Variants in CCDC187 observed in about 807,000 individuals in gnomAD.
CCDC187 encodes coiled-coil domain containing 187.
Under a neutral mutation model 38.0 loss-of-function variants are expected in CCDC187, and 32 were observed. The ratio of observed to expected loss-of-function variants is 0.84; its 90% confidence interval spans 0.64 to 1.13. CCDC187 has a LOEUF of 1.13. Ranked by LOEUF, CCDC187 falls within the 50% of genes most tolerant of loss-of-function variation. The probability of loss-of-function intolerance (pLI) is 0.00; values close to 1 mark genes in which losing one functional copy is unlikely to be tolerated. For missense variants in CCDC187, 707 were observed against 786.8 expected, an observed-to-expected ratio of 0.90 and a Z score of 1.21; for synonymous variants, 333 against 347.9, an observed-to-expected ratio of 0.96 and a Z score of 0.48.
chr9:136,294,127 C>T (rs1372282873), intron 4 of CCDC187, among the ~76,000 whole-genome samples: 3 of 141,622 alleles, frequency 2.1e-5, no homozygotes, highest in East Asian at 4.3e-4. Flanking sequence ...CTCTCACACT[C>T]ATACACACGC....
At chr9:136,280,455 T>C (rs36131664) in intron 10 of CCDC187, among the ~76,000 whole-genome samples, 19,998 of 152,056 alleles carry the variant, frequency 0.13, 1,511 homozygotes, top group Admixed American at 0.2. Context: ...TCAGAGGGCT[T>C]CAGGTGTGAG....
In CCDC187 at chr9:136,286,301, G is replaced by A. The variant is rs887870448; in HGVS notation, c.2617C>T (p.Pro873Ser). The A allele has an allele frequency of 7.5e-6, 3 of 398,494 alleles. No individual in the cohort carries two copies. The highest frequency in any genetic ancestry group is 6.2e-5 in the African/African-American group (3 of 48,632). The allele number at this position is 398,494 out of a possible 1,614,324, so 24.7% of individuals were successfully genotyped here. A position where few individuals can be genotyped will look rare whatever the true frequency, so the allele number is the denominator to read the frequency against. Residue 873 changes from proline to serine, a missense_variant, in exon 8 of 26, where the codon CCC (proline) becomes TCC (serine). By Grantham distance (74) the Pro-to-Ser change is moderately conservative. Transcript: ENST00000638797. The part of the protein sequence containing the change: ...RSCPHSLPAA[P>S]TLATPTLATP... Reference sequence around the variant, plus strand: ...GCAAGCGTGGGGGTGGCGAGCGTGGGGGCGGCAGGTAGGCTGTGGGGGCAC... The same window carrying A: ...GCAAGCGTGGGGGTGGCGAGCGTGGAGGCGGCAGGTAGGCTGTGGGGGCAC...
intron 5 of CCDC187, 55 bp downstream of exon 5, chr9:136,292,106 C>T (rs1175587655): frequency 2.8e-5 from 11 of 398,488 alleles, no homozygotes; most frequent in South Asian, 1.3e-4. Context: ...TCTCTGTGCC[C>T]GCCCCCAGAT....
In CCDC187 at chr9:136,250,860, G is replaced by C; in HGVS notation, c.*2734C>G. Reference sequence around the variant, plus strand: ...AGGCAGGCTGGGTCCAGCTGCTCCCGGGCGAGGGGTGTCTGGAGAGGGGCT... The same window carrying C: ...AGGCAGGCTGGGTCCAGCTGCTCCCCGGCGAGGGGTGTCTGGAGAGGGGCT... On this transcript the variant is annotated 3_prime_UTR_variant, in exon 26 of 26. Transcript: ENST00000638797. The C allele has an allele frequency of 4.4e-6, 2 of 455,376 alleles. No homozygotes were observed. Among genetic ancestry groups the C allele is most frequent in the Non-Finnish European group, 8.8e-6 (2 of 226,348 alleles). The allele number at this position is 455,376 out of a possible 1,614,324, so 28.2% of individuals were successfully genotyped here. A position where few individuals can be genotyped will look rare whatever the true frequency, so the allele number is the denominator to read the frequency against.
At chr9:136,284,835 C>T (rs1008331899) in intron 9 of CCDC187, among the ~76,000 whole-genome samples, 2 of 152,106 alleles carry the variant, frequency 1.3e-5, no homozygotes. Flanking sequence ...AGGGAGCGGC[C>T]GCCTCGTGCA....
chr9:136,287,420 C>T (rs954951117), intron 7 of CCDC187, among the ~76,000 whole-genome samples: 2 of 152,182 alleles, frequency 1.3e-5, no homozygotes, highest in Non-Finnish European at 2.9e-5. Context: ...GGAGCTGAAA[C>T]GCACCAGATC....
Position 136,293,294 on chromosome 9 carries a change from CACAA to C in CCDC187, c.833-1003_833-1000del, listed in dbSNP as rs1331522099. Among the ~76,000 whole-genome samples, 29 of 151,256 alleles carry C rather than the reference CACAA, an allele frequency of 1.9e-4. 2 individuals are homozygous for C. The highest frequency in any genetic ancestry group is 5.9e-4 in the African/African-American group (24 of 40,982). On this transcript the variant is annotated intron_variant, in intron 4 of 25. Coordinates refer to ENST00000638797, the MANE Select transcript of CCDC187 (RefSeq NM_001378188.1). ...TTTCACACTAACATGCTCACACACT[CACAA>C]ACACATGTTCACACACTCACACTCA...
intron 18 of CCDC187, among the ~76,000 whole-genome samples, chr9:136,263,008 A>C (rs531690214): frequency 3.9e-5 from 6 of 152,086 alleles, no homozygotes; most frequent in African/African-American, 1.4e-4. Context: ...GGCCTCCCTG[A>C]GGAGCTCCCA....
rs1327108145 is a variant in CCDC187, at chr9:136,251,208, TC to T, written c.*2385del. On this transcript the variant is annotated 3_prime_UTR_variant, in exon 26 of 26. Coordinates refer to ENST00000638797, the MANE Select transcript of CCDC187 (RefSeq NM_001378188.1). ...GAAGAGACCCTCAGATTCAAAAGGGTCCCAGAGAAATTACAGGGGTCCCAGT... is the reference window on the plus strand; with the variant it reads ...GAAGAGACCCTCAGATTCAAAAGGGTCCAGAGAAATTACAGGGGTCCCAGT... 1 of 344,530 alleles carries T rather than the reference TC, an allele frequency of 2.9e-6. No homozygotes were observed. The highest frequency in any genetic ancestry group is 5.8e-6 in the Non-Finnish European group (1 of 171,416). The allele number at this position is 344,530 out of a possible 1,614,324, so 21.3% of individuals were successfully genotyped here. A position where few individuals can be genotyped will look rare whatever the true frequency, so the allele number is the denominator to read the frequency against.
At chr9:136,293,234 C>CAT (rs1831391632) in intron 4 of CCDC187, among the ~76,000 whole-genome samples, 1 of 143,670 alleles carries the variant, frequency 7.0e-6, no homozygotes, top group African/African-American at 2.8e-5. Context: ...CACACTCACA[C>CAT]GCTCACACTC....
At chr9:136,283,666 T>A (rs989744807) in intron 9 of CCDC187, among the ~76,000 whole-genome samples, 2 of 152,158 alleles carry the variant, frequency 1.3e-5, no homozygotes, top group Non-Finnish European at 2.9e-5. Context: ...CAGGGAGCCC[T>A]GGCCGCACCT....
intron 16 of CCDC187, 42 bp from the exon 17 acceptor site, chr9:136,266,085 G>A (rs782093992): frequency 1.9e-4 from 184 of 968,278 alleles, no homozygotes; most frequent in Non-Finnish European, 2.1e-4. Context: ...TTGACAGCCC[G>A]TGCAAGTGGA....
At chr9:136,267,032 A>C (rs1554761724) in intron 16 of CCDC187, 1 of 152,474 alleles carries the variant, frequency 6.6e-6, no homozygotes, top group Non-Finnish European at 1.5e-5. Flanking sequence ...CAGTGAGCCT[A>C]GATCGCGCCA....
chr9:136,288,598 G>C (rs1831236902), intron 7 of CCDC187, among the ~76,000 whole-genome samples: 1 of 152,212 alleles, frequency 6.6e-6, no homozygotes, highest in Non-Finnish European at 1.5e-5. Context: ...GCCTGAAGCT[G>C]GGGCCTTCCA....
In CCDC187 at chr9:136,250,824, G is replaced by C. The variant is rs782731607; in HGVS notation, c.*2770C>G. On this transcript the variant is annotated 3_prime_UTR_variant, in exon 26 of 26. Transcript: ENST00000638797. ...GCACCTGGGGCTAAGCAGCCGCCCC[G>C]GGGCTGGAGAAGGCAGGCTGGGTCC... 3 of 456,120 alleles carry C rather than the reference G, an allele frequency of 6.6e-6. No individual in the cohort carries two copies. The highest frequency in any genetic ancestry group is 4.0e-5 in the African/African-American group (2 of 50,090). 28.3% of individuals were successfully genotyped at this position (456,120 alleles called of 1,614,324 possible).
intron 4 of CCDC187, among the ~76,000 whole-genome samples, chr9:136,293,181 A>ACTCACAAACACATGCTCACACACT: frequency 9.3e-6 from 1 of 107,078 alleles, no homozygotes; most frequent in Admixed American, 1.1e-4. Flanking sequence ...ATGCTCACAC[A>ACTCACAAACACATGCTCACACACT]CACTCACATG....
At chr9:136,260,394 T>C in intron 19 of CCDC187, 130 bp from the exon 20 acceptor site, 1 of 578,908 alleles carries the variant, frequency 1.7e-6, no homozygotes, top group Non-Finnish European at 2.2e-6. Flanking sequence ...GGGATGGCTG[T>C]GGTCAGTGGC....
chr9:136,266,706 CAT>C (rs1830753403), intron 16 of CCDC187: 1 of 152,238 alleles, frequency 6.6e-6, no homozygotes, highest in Non-Finnish European at 1.5e-5. Context: ...GTTTTCCTGA[CAT>C]ATAAATTGAA....
chr9:136,267,285 C>A, intron 16 of CCDC187, 99 bp downstream of exon 16: 2 of 869,216 alleles, frequency 2.3e-6, no homozygotes, highest in South Asian at 5.3e-5. Context: ...ACGGGCGGGA[C>A]CCGGACGGGG....
Sources: allele counts gnomAD v4.1 joint callset (sites outside exome capture counted in the v4.1 genomes callset), GRCh38; gene constraint gnomAD v4.1.1; transcripts MANE v1.5; gene names NCBI Gene and HGNC (gene_info 2026-07-23, HGNC 2026-07-21).